Variants in ADGRL3 observed in about 807,000 individuals in gnomAD.
ADGRL3 encodes the protein calcium-independent alpha-latrotoxin receptor 3.
ADGRL3 carries 62 observed loss-of-function variants against 153.5 expected under a neutral mutation model. That is an observed-to-expected ratio of 0.40 (90% CI 0.33 to 0.50). ADGRL3 has a LOEUF of 0.50. ADGRL3 is among the 20% of genes least tolerant of loss of function. The pLI is 0.47. For synonymous variants in ADGRL3, 710 were observed against 672.5 expected, an observed-to-expected ratio of 1.06 and a Z score of -0.86; for missense variants, 1,641 against 1,859.4, an observed-to-expected ratio of 0.88 and a Z score of 2.16.
intron 5 of ADGRL3, among the ~76,000 whole-genome samples, chr4:61,668,285 T>C (rs1248842387): frequency 6.6e-6 from 1 of 152,134 alleles, no homozygotes; most frequent in Admixed American, 6.5e-5. Flanking sequence ...CTCTAGAGTC[T>C]AGAAAAAAGG....
At chr4:61,743,239 G>C (rs930728396) in intron 8 of ADGRL3, among the ~76,000 whole-genome samples, 1 of 146,792 alleles carries the variant, frequency 6.8e-6, no homozygotes, top group East Asian at 2.1e-4. Context: ...AGAATGGTGT[G>C]AACCCAGGAG....
At chr4:61,542,178 A>T (rs1350984270) in intron 4 of ADGRL3, among the ~76,000 whole-genome samples, 1 of 152,088 alleles carries the variant, frequency 6.6e-6, no homozygotes, top group African/African-American at 2.4e-5. Context: ...AACCTTTGGG[A>T]TCATAGCTTC....
At chr4:61,247,204 A>T (rs1357633044) in intron 1 of ADGRL3, among the ~76,000 whole-genome samples, 1 of 152,054 alleles carries the variant, frequency 6.6e-6, no homozygotes, top group Non-Finnish European at 1.5e-5. Context: ...TTGAGTTCTC[A>T]TAAAGTTTCA....
intron 11 of ADGRL3, among the ~76,000 whole-genome samples, chr4:61,900,252 G>C (rs1344173801): frequency 6.6e-6 from 1 of 152,054 alleles, no homozygotes; most frequent in Admixed American, 6.5e-5. Flanking sequence ...GCTGACTTTA[G>C]TTCAAAAAAG....
At chr4:61,536,396 T>C (rs747024262) in intron 4 of ADGRL3, among the ~76,000 whole-genome samples, 25 of 152,110 alleles carry the variant, frequency 1.6e-4, no homozygotes, top group Non-Finnish European at 2.6e-4. Context: ...TCTACTAGGC[T>C]CATTTGCTCA....
At chr4:61,512,842 A>G (rs2098470890) in intron 3 of ADGRL3, among the ~76,000 whole-genome samples, 1 of 152,100 alleles carries the variant, frequency 6.6e-6, no homozygotes, top group South Asian at 2.1e-4. Flanking sequence ...TCAGGAGGGT[A>G]AGTATTCTCT....
chr4:61,948,164 G>C lies in ADGRL3; in HGVS notation c.2693G>C (p.Gly898Ala). The change falls in exon 17 of 27, where the codon GGT (glycine) becomes GCT (alanine). Residue 898 changes from glycine to alanine, a missense_variant. Around this residue, in one of 5 missense-constraint regions of ADGRL3, gnomAD observed 734 missense variants for 797.0 expected, o/e 0.92. Transcript: ENST00000683033. The stretch of plus-strand genomic sequence containing the variant: ...AGCTACTCCAAGCGTACAATGACAG[G>C]TTATTGGTCAACACAAGGCTGTCGG... ...FWSYSKRTMT[G>A]YWSTQGCRLL... The C allele has an allele frequency of 6.2e-7, 1 of 1,613,702 alleles. No individual in the cohort carries two copies. The highest frequency in any genetic ancestry group is 8.5e-7 in the Non-Finnish European group (1 of 1,179,798).
chr4:61,269,203 A>G (rs2093020276), intron 1 of ADGRL3, among the ~76,000 whole-genome samples: 1 of 151,630 alleles, frequency 6.6e-6, no homozygotes, highest in Non-Finnish European at 1.5e-5. Context: ...TTTTAATTAG[A>G]ACATCAAGGT....
intron 1 of ADGRL3, among the ~76,000 whole-genome samples, chr4:61,245,480 C>A (rs62312901): frequency 0.066 from 10,062 of 152,128 alleles, 480 homozygotes; most frequent in Non-Finnish European, 0.096. Context: ...GTCTTGGCCC[C>A]AGCAGAGTTA....
At position 61,934,848 on chromosome 4, in the gene ADGRL3, C is replaced by T. The variant is rs191345187; in HGVS notation, c.2121C>T (p.Val707=). The part of the protein sequence containing the change: ...RSCRAYVQAM[V]ETVNNLLQPQ... Reference sequence around the variant, plus strand: ...TTTTCATCCTCTTGTAGGCAATGGTCGAGACAGTTAACAACCTCCTTCAGC... The same window carrying T: ...TTTTCATCCTCTTGTAGGCAATGGTTGAGACAGTTAACAACCTCCTTCAGC... Residue 707 remains valine (V), a synonymous_variant, in exon 14 of 27, where the codon GTC becomes GTT. Transcript: ENST00000683033. 2.1e-5 allele frequency: 34 copies of T among 1,613,156 alleles called. No homozygotes were observed. Among genetic ancestry groups the T allele is most frequent in the East Asian group, 6.7e-5 (3 of 44,860 alleles).
intron 9 of ADGRL3, among the ~76,000 whole-genome samples, chr4:61,816,799 G>T (rs1232580007): frequency 6.6e-6 from 1 of 152,100 alleles, no homozygotes; most frequent in Non-Finnish European, 1.5e-5. Context: ...GCCAGGAACA[G>T]GCACCCCCTA....
At chr4:61,545,532 TTC>T (rs1426905453) in intron 4 of ADGRL3, among the ~76,000 whole-genome samples, 1 of 152,178 alleles carries the variant, frequency 6.6e-6, no homozygotes, top group Non-Finnish European at 1.5e-5. Flanking sequence ...CTGTCTCTCC[TTC>T]TCTGAGTCTC....
At chr4:61,323,692 TTA>T (rs1490418722) in intron 1 of ADGRL3, among the ~76,000 whole-genome samples, 5 of 152,282 alleles carry the variant, frequency 3.3e-5, no homozygotes, top group Middle Eastern at 3.4e-3. Flanking sequence ...ACCTTATTGC[TTA>T]TATCACTATC....
At chr4:61,725,384 G>A (rs1204911379) in intron 6 of ADGRL3, among the ~76,000 whole-genome samples, 6 of 151,642 alleles carry the variant, frequency 4.0e-5, no homozygotes, top group Non-Finnish European at 2.9e-5. Flanking sequence ...AGGCTGAGAC[G>A]GGCAAATCAC....
At chr4:61,245,400 C>G (rs966039586) in intron 1 of ADGRL3, among the ~76,000 whole-genome samples, 6 of 152,066 alleles carry the variant, frequency 3.9e-5, no homozygotes, top group African/African-American at 1.4e-4. Context: ...TCCTTCAAGA[C>G]AAGTCTGGAA....
At chr4:61,666,891 T>C (rs2094819354) in intron 5 of ADGRL3, among the ~76,000 whole-genome samples, 1 of 152,190 alleles carries the variant, frequency 6.6e-6, no homozygotes, top group African/African-American at 2.4e-5. Flanking sequence ...CCAGTTATTT[T>C]TAAATGAAAA....
intron 1 of ADGRL3, among the ~76,000 whole-genome samples, chr4:61,275,166 C>A (rs184344505): frequency 6.6e-6 from 1 of 152,242 alleles, no homozygotes; most frequent in East Asian, 1.9e-4. Context: ...ACAACTGGAA[C>A]AAGGTAATTT....
At chr4:61,913,644 A>C (rs1380654471) in intron 13 of ADGRL3, among the ~76,000 whole-genome samples, 1 of 152,120 alleles carries the variant, frequency 6.6e-6, no homozygotes, top group Non-Finnish European at 1.5e-5. Flanking sequence ...TTTTAACCAA[A>C]ACTCTTAAGT....
intron 2 of ADGRL3, among the ~76,000 whole-genome samples, chr4:61,475,540 C>G (rs1006199916): frequency 6.6e-6 from 1 of 152,080 alleles, no homozygotes; most frequent in African/African-American, 2.4e-5. Flanking sequence ...GAAATGTTAG[C>G]AAAGCCACTC....
Sources: allele counts gnomAD v4.1 joint callset (sites outside exome capture counted in the v4.1 genomes callset), GRCh38; gene constraint gnomAD v4.1.1; regional missense constraint gnomAD v4.1.1; transcripts MANE v1.5; gene names NCBI Gene and HGNC (gene_info 2026-07-23, HGNC 2026-07-21).